MYO3B: variants seen among roughly 807,000 people sequenced by gnomAD.
MYO3B encodes the protein myosin-IIIb.
MYO3B carries 156 observed loss-of-function variants against 174.6 expected under a neutral mutation model. The ratio of observed to expected loss-of-function variants is 0.89; its 90% CI spans 0.78 to 1.02. The LOEUF (loss-of-function observed/expected upper bound fraction) is 1.02, where lower values mean the gene tolerates loss of function less well. Ranked by LOEUF, MYO3B falls within the 50% of genes least tolerant of loss-of-function variation. The probability of loss-of-function intolerance (pLI) is 0.00; values close to 1 mark genes in which losing one functional copy is unlikely to be tolerated. For missense variants in MYO3B, 1,632 were observed against 1,639.4 expected, an observed-to-expected ratio of 1.00 and a Z score of 0.08; for synonymous variants, 563 against 569.1, an observed-to-expected ratio of 0.99 and a Z score of 0.15.
At chr2:170,577,396 A>G (rs1448900918) in intron 32 of MYO3B, among the ~76,000 whole-genome samples, 1 of 152,188 alleles carries the variant, frequency 6.6e-6, no homozygotes, top group African/African-American at 2.4e-5. Context: ...CAGGCACTCA[A>G]TAAACCCTGG....
At chr2:170,438,864 A>G (rs566990907) in intron 22 of MYO3B, among the ~76,000 whole-genome samples, 6 of 151,948 alleles carry the variant, frequency 3.9e-5, no homozygotes, top group Non-Finnish European at 1.5e-5. Context: ...CAAACTCCTG[A>G]TTTGTGATCC....
intron 7 of MYO3B, among the ~76,000 whole-genome samples, chr2:170,239,351 G>A (rs1157110566): frequency 6.6e-6 from 1 of 152,210 alleles, no homozygotes; most frequent in African/African-American, 2.4e-5. Flanking sequence ...TGACAAGCAG[G>A]TATCTTTCCT....
At chr2:170,597,557 A>C (rs1453894683) in intron 32 of MYO3B, among the ~76,000 whole-genome samples, 1 of 151,892 alleles carries the variant, frequency 6.6e-6, no homozygotes, top group African/African-American at 2.4e-5. Context: ...CCTCCCATCA[A>C]TTCTATGATT....
chr2:170,602,293 C>A, intron 32 of MYO3B: 1 of 730,884 alleles, frequency 1.4e-6, no homozygotes. Context: ...TCACTTGCCC[C>A]GGCACTGTCT....
intron 32 of MYO3B, chr2:170,640,373 T>A: frequency 6.6e-6 from 1 of 152,196 alleles, no homozygotes; most frequent in Non-Finnish European, 1.5e-5. Flanking sequence ...ATATTATCTG[T>A]CATTCTCACT....
intron 7 of MYO3B, among the ~76,000 whole-genome samples, chr2:170,254,911 A>G (rs2093290426): frequency 6.6e-6 from 1 of 152,196 alleles, no homozygotes; most frequent in Non-Finnish European, 1.5e-5. Context: ...CAGAAGGTTT[A>G]GGACAAAACT....
chr2:170,329,230 AGT>A (rs72422629), intron 7 of MYO3B, among the ~76,000 whole-genome samples: 72,898 of 148,476 alleles, frequency 0.49, 18,802 homozygotes, highest in East Asian at 0.65. Flanking sequence ...ACAGAAAAAC[AGT>A]GTGTGTGTGT....
At chr2:170,245,498 G>A (rs749526122) in intron 7 of MYO3B, among the ~76,000 whole-genome samples, 6 of 152,188 alleles carry the variant, frequency 3.9e-5, no homozygotes, top group African/African-American at 4.8e-5. Context: ...ACTGCCATAA[G>A]GGAGTCTTAC....
intron 25 of MYO3B, among the ~76,000 whole-genome samples, chr2:170,482,046 A>C (rs1007595669): frequency 7.2e-5 from 11 of 151,982 alleles, no homozygotes; most frequent in Non-Finnish European, 1.5e-4. Context: ...ATGCAATGGG[A>C]GGTAATTGAA....
chr2:170,399,124 C>G (rs971630432), intron 16 of MYO3B, among the ~76,000 whole-genome samples: 8 of 151,812 alleles, frequency 5.3e-5, no homozygotes, highest in African/African-American at 1.7e-4. Context: ...TGTCTGTAAT[C>G]TCAGCTAATC....
At chr2:170,612,194 A>G (rs1233916476) in intron 32 of MYO3B, among the ~76,000 whole-genome samples, 1 of 152,204 alleles carries the variant, frequency 6.6e-6, no homozygotes, top group Non-Finnish European at 1.5e-5. Flanking sequence ...TCCAGCTCCC[A>G]TGAACCCAAA....
chr2:170,399,515 A>T (rs554726445), intron 16 of MYO3B, among the ~76,000 whole-genome samples: 106 of 151,518 alleles, frequency 7.0e-4, no homozygotes, highest in African/African-American at 2.5e-3. Flanking sequence ...TTCTTGTTAT[A>T]TAAAAATATA....
intron 7 of MYO3B, among the ~76,000 whole-genome samples, chr2:170,236,634 G>T (rs149665466): frequency 1.7e-3 from 266 of 152,244 alleles, no homozygotes; most frequent in African/African-American, 6.1e-3. Context: ...TGCGGAAAGA[G>T]GTCTGTTTGG....
chr2:170,499,881 G>C, intron 27 of MYO3B, 73 bp downstream of exon 27: 1 of 1,441,532 alleles, frequency 6.9e-7, no homozygotes, highest in East Asian at 2.3e-5. Context: ...ATACTCAACT[G>C]TTTCTCTTCT....
chr2:170,196,487 G>C (rs2092601668), intron 1 of MYO3B, among the ~76,000 whole-genome samples: 1 of 152,196 alleles, frequency 6.6e-6, no homozygotes, highest in Non-Finnish European at 1.5e-5. Context: ...CTGCACTACA[G>C]CCTGGGTGAC....
intron 32 of MYO3B, among the ~76,000 whole-genome samples, chr2:170,616,015 T>C (rs1030346484): frequency 2.6e-5 from 4 of 152,312 alleles, no homozygotes; most frequent in South Asian, 2.1e-4. Context: ...ATAGTGTGTG[T>C]GTCAGTAATT....
rs541831675 is a variant in MYO3B at position 170,407,797 on chromosome 2, A to G, written c.2603A>G (p.Glu868Gly). 1.9e-6 allele frequency: 3 copies of G among 1,614,144 alleles called. No homozygotes were observed. The Admixed American group carries it at 5.0e-5, about 27-fold the overall frequency. ...GTGGTTGTGGTCCTGAGAACGTCAG[A>G]AAACAAGCTTCTTCAGCAGCTCTTC... Reference protein sequence around the residue: ...ADVVVVLRTSENKLLQQLFSI... With the variant: ...ADVVVVLRTSGNKLLQQLFSI... The change falls in exon 22 of 35, where the codon GAA becomes GGA. Residue 868 changes from glutamate (E) to glycine (G), a missense_variant. Physicochemically the swap from Glu to Gly is moderately conservative, Grantham distance 98. Coordinates refer to ENST00000408978, the MANE Select transcript of MYO3B (RefSeq NM_138995.5).
intron 9 of MYO3B, among the ~76,000 whole-genome samples, chr2:170,378,340 T>G (rs1430646586): frequency 6.6e-6 from 1 of 152,192 alleles, no homozygotes; most frequent in African/African-American, 2.4e-5. Context: ...ATATTTTTTC[T>G]GGTTGAGAAA....
chr2:170,546,497 G>A lies in MYO3B; in HGVS notation c.3733+2509G>A, dbSNP rs574933793. Among the ~76,000 whole-genome samples, 45 of 152,318 alleles carry A rather than the reference G, an allele frequency of 3.0e-4. No homozygotes were observed. In the South Asian group the frequency reaches 7.0e-3, roughly 24 times the overall value. ...AGCTCCAAATAGATATAGTGTACTA[G>A]TGGAAGAAATTAAAATAATCCAAGC... On this transcript the variant is annotated intron_variant, in intron 32 of 34. Transcript: ENST00000408978.
Sources: gnomAD v4.1 joint callset for allele counts (sites outside exome capture counted in the v4.1 genomes callset) on GRCh38, gnomAD v4.1.1 for gene constraint, MANE v1.5 for transcripts, NCBI Gene and HGNC (gene_info 2026-07-23, HGNC 2026-07-21) for gene names.